The following KCTD3 variants were observed in gnomAD, a reference collection of about 807,000 sequenced individuals.
KCTD3 encodes the protein BTB/POZ domain-containing protein KCTD3.
A neutral mutation model predicts 85.8 loss-of-function variants in KCTD3; 41 were observed. The observed-to-expected ratio is 0.48, with a 90% confidence interval of 0.37 to 0.62. The LOEUF is 0.62. Ranked by LOEUF, KCTD3 falls within the 20% of genes least tolerant of loss-of-function variation. KCTD3 has a pLI of 0.00. For missense variants in KCTD3, 724 were observed against 989.9 expected (o/e 0.73, Z 3.60); for synonymous variants, 338 against 345.4 (o/e 0.98, Z 0.24).
chr1:215,607,449 C>T (rs1189367357), intron 13 of KCTD3, among the ~76,000 whole-genome samples: 1 of 151,772 alleles, frequency 6.6e-6, no homozygotes, highest in Non-Finnish European at 1.5e-5. Flanking sequence ...ATAAATAAAA[C>T]TAATTGGAGT....
At chr1:215,611,411 G>C (rs1655232135) in intron 14 of KCTD3, among the ~76,000 whole-genome samples, 1 of 151,852 alleles carries the variant, frequency 6.6e-6, no homozygotes, top group African/African-American at 2.4e-5. Context: ...TATATTTTAA[G>C]ATTTTGTGTG....
chr1:215,604,340 C>A (rs1050790977), intron 13 of KCTD3, 38 bp downstream of exon 13: 67 of 1,507,008 alleles, frequency 4.4e-5, no homozygotes, highest in Non-Finnish European at 6.1e-5. Flanking sequence ...GAACTTGGCT[C>A]TGTGTGTTAT....
chr1:215,575,369 T>G (rs1659534098), intron 3 of KCTD3, among the ~76,000 whole-genome samples: 2 of 152,190 alleles, frequency 1.3e-5, no homozygotes. Flanking sequence ...TCATTACCTT[T>G]CCCCAGCTCT....
chr1:215,618,320 T>C (rs1655531309), intron 15 of KCTD3: 1 of 187,930 alleles, frequency 5.3e-6, no homozygotes, highest in Non-Finnish European at 1.1e-5. Context: ...CTCCTTTTTG[T>C]CCGGCCTACT....
chr1:215,615,646 A>G (rs1382266434), intron 15 of KCTD3, among the ~76,000 whole-genome samples: 3 of 152,088 alleles, frequency 2.0e-5, no homozygotes, highest in Non-Finnish European at 4.4e-5. Context: ...AGAAATCTGC[A>G]TAGGGGGAAA....
chr1:215,603,534 A>T (rs1654910231), intron 12 of KCTD3, among the ~76,000 whole-genome samples: 1 of 152,196 alleles, frequency 6.6e-6, no homozygotes, highest in African/African-American at 2.4e-5. Context: ...AAGCAATGTA[A>T]TGGGTATGTT....
chr1:215,616,373 TTTAAAAAAA>T (rs1318300118), intron 15 of KCTD3, among the ~76,000 whole-genome samples: 1 of 152,182 alleles, frequency 6.6e-6, no homozygotes, highest in Non-Finnish European at 1.5e-5. Flanking sequence ...CTATTTATGA[TTTAAAAAAA>T]CCCTAGCAAC....
chr1:215,580,589 A>G (rs1365643828), intron 8 of KCTD3, among the ~76,000 whole-genome samples: 2 of 151,880 alleles, frequency 1.3e-5, no homozygotes, highest in Non-Finnish European at 2.9e-5. Flanking sequence ...TTTAATTGGG[A>G]AAGTGATAGG....
rs999608532 is a variant in KCTD3 at position 215,567,443 on chromosome 1, A to C, written c.-243A>C. ...AGGCCCGGGCGGCCCGGCGGCCTGGAGGCCGCGAAAGGTGGAGGCCGGGCC... is the reference window on the plus strand; with the variant it reads ...AGGCCCGGGCGGCCCGGCGGCCTGGCGGCCGCGAAAGGTGGAGGCCGGGCC... On this transcript the variant is annotated 5_prime_UTR_variant, in exon 1 of 18. Coordinates refer to ENST00000259154, the MANE Select transcript of KCTD3 (RefSeq NM_016121.5). 15 of 217,584 alleles carry C rather than the reference A, an allele frequency of 6.9e-5. No homozygotes were observed. The highest frequency in any genetic ancestry group is 7.9e-5 in the Non-Finnish European group (9 of 113,492). The allele number at this position is 217,584 out of a possible 1,614,324, so 13.5% of individuals were successfully genotyped here.
intron 1 of KCTD3, among the ~76,000 whole-genome samples, chr1:215,570,760 G>T (rs922192643): frequency 1.7e-4 from 26 of 152,198 alleles, no homozygotes; most frequent in African/African-American, 6.3e-4. Flanking sequence ...GAGGCAAGTT[G>T]CATGAAGTAT....
At chr1:215,571,640 T>C (rs1469242577) in intron 1 of KCTD3, among the ~76,000 whole-genome samples, 1 of 151,900 alleles carries the variant, frequency 6.6e-6, no homozygotes. Flanking sequence ...TTTTTTTTTT[T>C]TTTTTTCCGA....
chr1:215,616,753 TC>T (rs1655467130), intron 15 of KCTD3, among the ~76,000 whole-genome samples: 2 of 152,272 alleles, frequency 1.3e-5, no homozygotes, highest in South Asian at 4.1e-4. Flanking sequence ...AGAGCAAAAC[TC>T]CGTCTAATGA....
chr1:215,591,354 CTCTCTTTCT>C (rs1172553665), intron 9 of KCTD3, among the ~76,000 whole-genome samples: 1 of 147,940 alleles, frequency 6.8e-6, no homozygotes, highest in African/African-American at 2.5e-5. Context: ...TTCTCTCTTT[CTCTCTTTCT>C]TCTCTTTCTT....
chr1:215,594,566 C>A (rs1328851452), intron 9 of KCTD3, among the ~76,000 whole-genome samples: 1 of 152,084 alleles, frequency 6.6e-6, no homozygotes, highest in Non-Finnish European at 1.5e-5. Context: ...TATTTTCAAC[C>A]CCCTTTCCAT....
At chr1:215,588,350 A>G (rs1445295186) in intron 9 of KCTD3, among the ~76,000 whole-genome samples, 1 of 151,962 alleles carries the variant, frequency 6.6e-6, no homozygotes, top group East Asian at 2.0e-4. Flanking sequence ...TTCATCAAGG[A>G]CATTCTTTAG....
chr1:215,584,217 A>G (rs1309835249), intron 8 of KCTD3, among the ~76,000 whole-genome samples: 1 of 152,188 alleles, frequency 6.6e-6, no homozygotes, highest in Non-Finnish European at 1.5e-5. Flanking sequence ...GAAAGAACTC[A>G]AAAACTACTG....
At position 215,567,679 on chromosome 1, in the gene KCTD3, G is replaced by C; in HGVS notation, c.-7G>C. 8.1e-7 allele frequency: 1 copy of C among 1,235,818 alleles called. No individual in the cohort carries two copies. 76.6% of individuals were successfully genotyped at this position (1,235,818 alleles called of 1,614,324 possible). ...GAGGGCGGCGAGCGCGTCCGGAGCC[G>C]CCGGAGATGGCGGGAGGGCACTGCG... On this transcript the variant is annotated 5_prime_UTR_variant, in exon 1 of 18. Coordinates refer to ENST00000259154, the MANE Select transcript of KCTD3 (RefSeq NM_016121.5).
intron 15 of KCTD3, among the ~76,000 whole-genome samples, chr1:215,612,251 A>G (rs567222482): frequency 1.3e-5 from 2 of 152,288 alleles, no homozygotes; most frequent in East Asian, 3.9e-4. Context: ...TGGAACTTAA[A>G]TATTTTCCAT....
In KCTD3 at chr1:215,620,712, CA is replaced by C; in HGVS notation, c.*96del. 2 of 840,116 alleles carry C rather than the reference CA, an allele frequency of 2.4e-6. No individual in the cohort carries two copies. Among genetic ancestry groups the C allele is most frequent in the East Asian group, 5.3e-5 (2 of 37,578 alleles). The allele number at this position is 840,116 out of a possible 1,614,324, so 52.0% of individuals were successfully genotyped here. ...CATTAGTTTTTACACTAAAACTTTA[CA>C]AGATAAAATTGGACTTCATTTAGTA... is the stretch of plus-strand genomic sequence containing the variant. On this transcript the variant is annotated 3_prime_UTR_variant, in exon 18 of 18. Transcript: ENST00000259154.
Sources: gnomAD v4.1 joint callset for allele counts (sites outside exome capture counted in the v4.1 genomes callset) on GRCh38, gnomAD v4.1.1 for gene constraint, MANE v1.5 for transcripts, NCBI Gene and HGNC (gene_info 2026-07-23, HGNC 2026-07-21) for gene names.